The following BOP1 variants were observed in gnomAD, a reference collection of about 807,000 sequenced individuals.
The protein encoded by BOP1 is BOP1 ribosomal biogenesis factor, also known as ribosome biogenesis protein BOP1.
In BOP1, 54 loss-of-function variants were observed where a neutral mutation model predicts 82.9. The ratio of observed to expected loss-of-function variants is 0.65; its 90% confidence interval spans 0.52 to 0.82. The LOEUF (loss-of-function observed/expected upper bound fraction) is 0.82. Ranked by LOEUF, BOP1 falls within the 40% of genes least tolerant of loss-of-function variation. The pLI is 0.00. For synonymous variants in BOP1, 566 were observed against 451.1 expected (o/e 1.25, Z -3.23); for missense variants, 1,170 against 1,072.0 (o/e 1.09, Z -1.28).
chr8:144,265,223 C>T, intron 3 of BOP1, 152 bp from the exon 4 acceptor site: 1 of 891,510 alleles, frequency 1.1e-6, no homozygotes, highest in Non-Finnish European at 1.7e-6. Flanking sequence ...CGCCTGTTCC[C>T]CAGCCCTGGG....
chr8:144,262,667 T>C lies in BOP1; in HGVS notation c.1900A>G (p.Asn634Asp). 1.2e-6 allele frequency: 2 copies of C among 1,613,268 alleles called. No individual in the cohort carries two copies. Among genetic ancestry groups the C allele is most frequent in the Non-Finnish European group, 1.7e-6 (2 of 1,179,760 alleles). ...CTATCGTAGCTCCCACAGATGACGTTGTCACCTAGGGCCAAAGGCTGTGAT... is the reference window on the plus strand; with the variant it reads ...CTATCGTAGCTCCCACAGATGACGTCGTCACCTAGGGCCAAAGGCTGTGAT... ...SSLAVHPAGDNVICGSYDSKL... is the reference protein window; with the variant it reads ...SSLAVHPAGDDVICGSYDSKL... The change falls in exon 14 of 16, where the codon AAC (asparagine) becomes GAC (aspartate). Residue 634 changes from asparagine (N) to aspartate (D), a missense_variant. Physicochemically the swap from Asn to Asp is conservative, Grantham distance 23. Coordinates refer to ENST00000569669, the MANE Select transcript of BOP1 (RefSeq NM_015201.5).
At chr8:144,265,260 G>A in intron 3 of BOP1, 189 bp from the exon 4 acceptor site, 1 of 675,856 alleles carries the variant, frequency 1.5e-6, no homozygotes, top group Non-Finnish European at 2.5e-6. Flanking sequence ...CGGCCACGCT[G>A]CCCCCACCCC....
chr8:144,263,995 G>A lies in BOP1; in HGVS notation c.1126C>T (p.Gln376Ter). The A allele has an allele frequency of 6.2e-7, 1 of 1,609,518 alleles. No homozygotes were observed. The highest frequency in any genetic ancestry group is 8.5e-7 in the Non-Finnish European group (1 of 1,179,762). The change falls in exon 8 of 16, where the codon CAG becomes TAG. Residue 376 changes from glutamine (Q) to a stop codon, truncating the protein, a stop_gained. Coordinates refer to ENST00000569669, the MANE Select transcript of BOP1 (RefSeq NM_015201.5). LOFTEE classifies it high-confidence loss of function. ...RCLDLYLCPR[Q>*]RKMRVNVDPE... ...CCCCCACACACCCTCATCTTGCGCTGCCGTGGGCACAGGTACAGGTCAAGG... is the reference window on the plus strand; with the variant it reads ...CCCCCACACACCCTCATCTTGCGCTACCGTGGGCACAGGTACAGGTCAAGG...
intron 2 of BOP1, among the ~76,000 whole-genome samples, chr8:144,283,192 ACTCCATCTC>A (rs1554839110): frequency 8.1e-6 from 1 of 123,218 alleles, no homozygotes; most frequent in African/African-American, 3.3e-5. Context: ...GAGCAAAAAA[ACTCCATCTC>A]AAAAAAAAAA....
intron 3 of BOP1, among the ~76,000 whole-genome samples, chr8:144,271,349 C>T (rs1304601380): frequency 1.3e-5 from 2 of 151,998 alleles, no homozygotes; most frequent in African/African-American, 4.8e-5. Context: ...GAGAGGAAGC[C>T]GGCCCACCTC....
chr8:144,276,091 G>A (rs1345839872), intron 3 of BOP1, 133 bp downstream of exon 3: 21 of 1,051,168 alleles, frequency 2.0e-5, no homozygotes, highest in South Asian at 5.1e-5. Flanking sequence ...CGTGGGCCTC[G>A]GCTCCAACAG....
intron 2 of BOP1, among the ~76,000 whole-genome samples, chr8:144,284,368 T>C (rs782513438): frequency 5.9e-5 from 9 of 152,154 alleles, no homozygotes; most frequent in Non-Finnish European, 1.2e-4. Context: ...GGTGTGCACA[T>C]GTGAGAAACA....
intron 1 of BOP1, among the ~76,000 whole-genome samples, chr8:144,290,390 G>A (rs1046436349): frequency 6.6e-6 from 1 of 151,676 alleles, no homozygotes; most frequent in African/African-American, 2.4e-5. Flanking sequence ...GAAAAAGGAA[G>A]CAGTTGAATG....
chr8:144,273,150 C>T (rs950023606), intron 3 of BOP1, among the ~76,000 whole-genome samples: 2 of 152,142 alleles, frequency 1.3e-5, no homozygotes, highest in Non-Finnish European at 1.5e-5. Flanking sequence ...CCTGAGTGCG[C>T]GGGGCCAGGA....
intron 2 of BOP1, among the ~76,000 whole-genome samples, chr8:144,287,764 G>C (rs1814922774): frequency 6.6e-6 from 1 of 152,140 alleles, no homozygotes; most frequent in African/African-American, 2.4e-5. Flanking sequence ...CTCTGTGTAT[G>C]TTAGTGGTAT....
intron 3 of BOP1, chr8:144,266,992 C>T: frequency 6.5e-7 from 1 of 1,548,104 alleles, no homozygotes; most frequent in Non-Finnish European, 8.7e-7. Flanking sequence ...CATCTCGCAC[C>T]TGGGCAACGT....
Position 144,264,576 on chromosome 8 carries a change from G to C in BOP1, c.704C>G (p.Pro235Arg). ...DFFSGDVMIH[P>R]VTNRPADKRS... is the part of the protein sequence containing the mutation. ...CTTGTCGGCCGGGCGGTTGGTCACC[G>C]GGTGGATCATGACGTCCCCGCTGAA... The change falls in exon 6 of 16, where the codon CCG becomes CGG. Residue 235 changes from proline to arginine, a missense_variant. By Grantham distance (103) the Pro-to-Arg change is moderately radical. Transcript: ENST00000569669. The C allele has an allele frequency of 6.2e-7, 1 of 1,608,850 alleles. No homozygotes were observed. Among genetic ancestry groups the C allele is most frequent in the Non-Finnish European group, 8.5e-7 (1 of 1,178,264 alleles).
chr8:144,271,800 G>A (rs1489972928), intron 3 of BOP1, among the ~76,000 whole-genome samples: 3 of 152,126 alleles, frequency 2.0e-5, no homozygotes, highest in Non-Finnish European at 2.9e-5. Flanking sequence ...CAGCCCAGAC[G>A]CCCTCAGCTC....
intron 3 of BOP1, chr8:144,268,161 C>T: frequency 6.4e-7 from 1 of 1,550,618 alleles, no homozygotes; most frequent in Non-Finnish European, 8.7e-7. Flanking sequence ...CGGCAGCAGC[C>T]AGGAGGCAGA....
chr8:144,267,897 C>T (rs1245999812), intron 3 of BOP1, among the ~76,000 whole-genome samples: 3 of 152,224 alleles, frequency 2.0e-5, no homozygotes, highest in African/African-American at 4.8e-5. Flanking sequence ...GCTCCTGGGG[C>T]CTGAACATCT....
chr8:144,262,155 G>T lies in BOP1; in HGVS notation c.*9C>A, dbSNP rs1054426465. ...GCACGACCACCCCAGCCCCAGGCAG[G>T]CAGAACAGCTAGGTGAAGAGGCGGA... On this transcript the variant is annotated 3_prime_UTR_variant, in exon 16 of 16. Transcript: ENST00000569669. The T allele has an allele frequency of 5.6e-6, 9 of 1,612,082 alleles. No homozygotes were observed. In the South Asian group the frequency reaches 7.7e-5, roughly 14 times the overall value.
At chr8:144,262,797 TACACCGCCCCCCCCCCCACCCC>T in intron 13 of BOP1, 34 bp downstream of exon 13, 6 of 470,710 alleles carry the variant, frequency 1.3e-5, no homozygotes, top group Non-Finnish European at 2.1e-5. Context: ...ACCTGCAGGG[TACACCGCCCCCCCCCCCACCCC>T]TCACCTGCAG....
intron 3 of BOP1, among the ~76,000 whole-genome samples, chr8:144,273,287 G>A (rs1314033554): frequency 6.6e-6 from 1 of 152,222 alleles, no homozygotes; most frequent in African/African-American, 2.4e-5. Context: ...GGCTCTGGAC[G>A]CAGACAGGCC....
chr8:144,262,741 C>CAACT, intron 13 of BOP1, 69 bp from the exon 14 acceptor site: 1 of 1,542,696 alleles, frequency 6.5e-7, no homozygotes, highest in Non-Finnish European at 8.8e-7. Flanking sequence ...TGCCCGTCAC[C>CAACT]TACACCCCTC....
Sources: gnomAD v4.1 joint callset for allele counts (sites outside exome capture counted in the v4.1 genomes callset) on GRCh38, gnomAD v4.1.1 for gene constraint, MANE v1.5 for transcripts, NCBI Gene and HGNC (gene_info 2026-07-23, HGNC 2026-07-21) for gene names.